RET: variants seen among roughly 807,000 people sequenced by gnomAD.
RET encodes proto-oncogene tyrosine-protein kinase receptor Ret.
RET carries 19 observed loss-of-function variants against 118.3 expected under a neutral mutation model. The observed-to-expected ratio is 0.16, with a 90% CI of 0.11 to 0.24. The LOEUF is 0.24. RET is among the 10% of genes least tolerant of loss of function. The pLI, the probability that RET is intolerant of heterozygous loss-of-function variation, is 1.00. For synonymous variants in RET, 597 were observed against 644.1 expected (o/e 0.93, Z 1.11); for missense variants, 1,219 against 1,502.1 (o/e 0.81, Z 3.12).
intron 1 of RET, among the ~76,000 whole-genome samples, chr10:43,097,290 G>A (rs1451604958): frequency 2.0e-5 from 3 of 152,208 alleles, no homozygotes; most frequent in Non-Finnish European, 4.4e-5. Flanking sequence ...CAGATGGGGT[G>A]CCAGGGCCCT....
rs553345177 is a variant in RET at position 43,114,094 on chromosome 10, C to T, written c.1880-386C>T. Among the ~76,000 whole-genome samples, 23 of 152,346 alleles carry T rather than the reference C, an allele frequency of 1.5e-4. No homozygotes were observed. Among genetic ancestry groups the T allele is most frequent in the African/African-American group, 4.1e-4 (17 of 41,582 alleles). On this transcript the variant is annotated intron_variant, in intron 10 of 19. Coordinates refer to ENST00000355710, the MANE Select transcript of RET (RefSeq NM_020975.6). This position sits in a 1 kb window ranked among gnomAD's most constrained non-coding sequence, Gnocchi z 4.6. ...CATTGAGTTTTCTGGTATTATATAG[C>T]CCTACGTCCCTAGCCACTTAGCATT...
intron 18 of RET, among the ~76,000 whole-genome samples, chr10:43,125,463 C>T (rs1043711073): frequency 6.6e-6 from 1 of 152,148 alleles, no homozygotes; most frequent in Non-Finnish European, 1.5e-5. Flanking sequence ...CAGGAATGGG[C>T]TGGGTCTTCT....
chr10:43,109,583 C>T (rs1020344951), intron 6 of RET, among the ~76,000 whole-genome samples: 7 of 152,196 alleles, frequency 4.6e-5, no homozygotes, highest in South Asian at 2.1e-4. Context: ...GTTGGTCCCA[C>T]GTGACTCCCT....
rs377767432 is a variant in RET, at chr10:43,121,980, C to T, written c.2765C>T (p.Ser922Phe). The change falls in exon 16 of 20, where the codon TCC becomes TTC. Residue 922 changes from serine to phenylalanine, a missense_variant. Physicochemically the swap from Ser to Phe is radical, Grantham distance 155 (BLOSUM62 -2). Coordinates refer to ENST00000355710, the MANE Select transcript of RET (RefSeq NM_020975.6). Reference sequence around the variant, plus strand: ...CCAGTTAAATGGATGGCAATTGAATCCCTTTTTGATCATATCTACACCACG... The same window carrying T: ...CCAGTTAAATGGATGGCAATTGAATTCCTTTTTGATCATATCTACACCACG... ...RIPVKWMAIE[S>F]LFDHIYTTQS... 1.2e-6 allele frequency: 2 copies of T among 1,613,858 alleles called. No individual in the cohort carries two copies. Among genetic ancestry groups the T allele is most frequent in the Non-Finnish European group, 1.7e-6 (2 of 1,179,762 alleles).
rs1838169539 is a variant in RET, at chr10:43,119,866, T to A, written c.2607+121T>A. 3 of 1,281,724 alleles carry A rather than the reference T, an allele frequency of 2.3e-6. No individual in the cohort carries two copies. The African/African-American group carries it at 4.5e-5, about 19-fold the overall frequency. 79.4% of individuals were successfully genotyped at this position (1,281,724 alleles called of 1,614,324 possible). On this transcript the variant is annotated intron_variant, in intron 14 of 19. Transcript: ENST00000355710. ...CACCATGCCACACTCTAGCCCACCA[T>A]GCCCCTGCCATGGCATGCCATGCTA...
At chr10:43,119,953 C>T (rs1838171828) in intron 14 of RET, 128 bp from the exon 15 acceptor site, 1 of 1,442,558 alleles carries the variant, frequency 6.9e-7, no homozygotes, top group African/African-American at 1.4e-5. Context: ...CATGCCACAC[C>T]CCCGGCCCAG....
In RET at chr10:43,102,844, G is replaced by C. The variant is rs2132686577; in HGVS notation, c.625+215G>C. Reference sequence around the variant, plus strand: ...AACACAACGGGTTGGAATCTTGCCTGCCTGCAGCTTTCATTCTTGTGGGGC... The same window carrying C: ...AACACAACGGGTTGGAATCTTGCCTCCCTGCAGCTTTCATTCTTGTGGGGC... On this transcript the variant is annotated intron_variant, in intron 3 of 19. Transcript: ENST00000355710. 7 of 624,548 alleles carry C rather than the reference G, an allele frequency of 1.1e-5. No individual in the cohort carries two copies. In the South Asian group the frequency reaches 1.4e-4, roughly 12 times the overall value. 38.7% of individuals were successfully genotyped at this position (624,548 alleles called of 1,614,324 possible). A position where few individuals can be genotyped will look rare whatever the true frequency, so the allele number is the denominator to read the frequency against.
intron 12 of RET, 56 bp from the exon 13 acceptor site, chr10:43,118,317 C>A: frequency 7.1e-7 from 1 of 1,404,546 alleles, no homozygotes; most frequent in South Asian, 1.2e-5. Flanking sequence ...CTGGTATGGT[C>A]ATGGAAGGGG....
At chr10:43,077,594 C>T (rs1035940030) in intron 1 of RET, among the ~76,000 whole-genome samples, 11 of 151,770 alleles carry the variant, frequency 7.2e-5, no homozygotes, top group African/African-American at 2.7e-4. Context: ...GGGGTCGGTG[C>T]TCAGAACCCT....
chr10:43,088,491 G>A (rs1837343037), intron 1 of RET, among the ~76,000 whole-genome samples: 1 of 152,068 alleles, frequency 6.6e-6, no homozygotes, highest in Non-Finnish European at 1.5e-5. Context: ...TGAGGCAGTG[G>A]CGGGGAAGGT....
At chr10:43,116,778 C>A (rs760466) in intron 12 of RET, 47 bp downstream of exon 12, 3 of 1,434,554 alleles carry the variant, frequency 2.1e-6, no homozygotes, top group Non-Finnish European at 2.9e-6. Flanking sequence ...GTCTCCGGGG[C>A]GGGGGGCGGG....
chr10:43,122,624 A>C (rs1284294205), intron 16 of RET, among the ~76,000 whole-genome samples: 1 of 151,198 alleles, frequency 6.6e-6, no homozygotes, highest in Admixed American at 6.6e-5. Context: ...TTGTGGGGGG[A>C]GGGGATAGGG....
rs760322514 is a variant in RET, at chr10:43,106,458, C to T, written c.950C>T (p.Thr317Met). Reference protein sequence around the residue: ...SGELVRRYTSTLLPGDTWAQQ... With the variant: ...SGELVRRYTSMLLPGDTWAQQ... ...GAGCTGGTGAGGCGGTACACAAGCA[C>T]GCTGCTCCCCGGGGACACCTGGGCC... is the stretch of plus-strand genomic sequence containing the variant. The change falls in exon 5 of 20, where the codon ACG becomes ATG. Residue 317 changes from threonine (T) to methionine (M), a missense_variant. Physicochemically the swap from Thr to Met is moderately conservative, Grantham distance 81. Coordinates refer to ENST00000355710, the MANE Select transcript of RET (RefSeq NM_020975.6). This position sits in a 1 kb window ranked among gnomAD's most constrained non-coding sequence, Gnocchi z 5.1. The T allele has an allele frequency of 4.3e-6, 7 of 1,613,404 alleles. No homozygotes were observed. The highest frequency in any genetic ancestry group is 1.7e-5 in the Admixed American group (1 of 59,978).
At chr10:43,080,470 C>T (rs1185755948) in intron 1 of RET, among the ~76,000 whole-genome samples, 2 of 152,250 alleles carry the variant, frequency 1.3e-5, no homozygotes, top group East Asian at 3.9e-4. Flanking sequence ...AACAGGTTCT[C>T]ATAGCCTATG....
In RET at chr10:43,102,443, T is replaced by C. The variant is rs2132680606; in HGVS notation, c.439T>C (p.Phe147Leu). 6.2e-7 allele frequency: 1 copy of C among 1,614,234 alleles called. No individual in the cohort carries two copies. Among genetic ancestry groups the C allele is most frequent in the South Asian group, 1.1e-5 (1 of 91,092 alleles). ...CQWPGCARVY[F>L]SFFNTSFPAC... ...GTGGCCAGGCTGTGCCCGCGTATAC[T>C]TCTCCTTCTTCAACACCTCCTTTCC... Residue 147 changes from phenylalanine (F) to leucine (L), a missense_variant, in exon 3 of 20, where the codon TTC becomes CTC. By Grantham distance (22) the Phe-to-Leu change is conservative. Coordinates refer to ENST00000355710, the MANE Select transcript of RET (RefSeq NM_020975.6).
chr10:43,097,442 C>T (rs1482087202), intron 1 of RET, among the ~76,000 whole-genome samples: 3 of 152,150 alleles, frequency 2.0e-5, no homozygotes, highest in African/African-American at 4.8e-5. Flanking sequence ...CCTCTCCCCA[C>T]CTGAGCTCAG....
At position 43,128,334 on chromosome 10, in the gene RET, C is replaced by A; in HGVS notation, c.*65C>A. On this transcript the variant is annotated 3_prime_UTR_variant, in exon 20 of 20. Coordinates refer to ENST00000355710, the MANE Select transcript of RET (RefSeq NM_020975.6). ...AACATGCTGAGAATGGAAAGTCTAC[C>A]GGCCCTTTCTTTGTGAACGTCACAT... 6.3e-7 allele frequency: 1 copy of A among 1,585,176 alleles called. No homozygotes were observed. The highest frequency in any genetic ancestry group is 8.7e-7 in the Non-Finnish European group (1 of 1,154,540).
At chr10:43,085,964 C>T (rs942174552) in intron 1 of RET, among the ~76,000 whole-genome samples, 1 of 152,222 alleles carries the variant, frequency 6.6e-6, no homozygotes, top group Non-Finnish European at 1.5e-5. Flanking sequence ...GGCTCTCTCC[C>T]TCTGCTCTCC....
At chr10:43,080,542 C>T (rs1837157081) in intron 1 of RET, among the ~76,000 whole-genome samples, 1 of 152,254 alleles carries the variant, frequency 6.6e-6, no homozygotes, top group Non-Finnish European at 1.5e-5. Flanking sequence ...CTTGCTCCAG[C>T]CCGTTCTCTG....
Sources: allele counts gnomAD v4.1 joint callset (sites outside exome capture counted in the v4.1 genomes callset), GRCh38; gene constraint gnomAD v4.1.1; non-coding constraint Gnocchi (gnomAD v3.1); transcripts MANE v1.5; gene names NCBI Gene and HGNC (gene_info 2026-07-23, HGNC 2026-07-21).